GUCY1A1: variants seen among roughly 807,000 people sequenced by gnomAD.
GUCY1A1 encodes guanylate cyclase 1 soluble subunit alpha 1.
GUCY1A1 carries 48 observed loss-of-function variants against 64.5 expected under a neutral mutation model. The ratio of observed to expected loss-of-function variants is 0.74; its 90% CI spans 0.59 to 0.95. The LOEUF is 0.95. GUCY1A1 is among the 40% of genes least tolerant of loss of function. GUCY1A1 has a pLI of 0.00. For synonymous variants in GUCY1A1, 308 were observed against 303.4 expected, an observed-to-expected ratio of 1.02 and a Z score of -0.16; for missense variants, 804 against 825.3, an observed-to-expected ratio of 0.97 and a Z score of 0.32.
intron 2 of GUCY1A1, among the ~76,000 whole-genome samples, chr4:155,682,699 A>AGTGTGTGTGTGT (rs60103633): frequency 1.6e-4 from 24 of 146,776 alleles, no homozygotes; most frequent in African/African-American, 5.0e-4. Flanking sequence ...AAGAAAATTC[A>AGTGTGTGTGTGT]GTGTGTGTGT....
chr4:155,712,266 G>T (rs1273780755), intron 6 of GUCY1A1, among the ~76,000 whole-genome samples: 5 of 152,116 alleles, frequency 3.3e-5, no homozygotes, highest in Admixed American at 6.5e-5. Context: ...CGAGTAGCTG[G>T]GATTACAGGC....
chr4:155,727,639 T>G (rs960403758), intron 9 of GUCY1A1, among the ~76,000 whole-genome samples: 6 of 151,768 alleles, frequency 4.0e-5, no homozygotes, highest in African/African-American at 1.4e-4. Context: ...ACTCTTATAG[T>G]TGCATACATT....
chr4:155,736,549 A>G lies in GUCY1A1; in HGVS notation c.*6318A>G, dbSNP rs181692203. Reference sequence around the variant, plus strand: ...ACTGTTTAGAGAGAAAAAATAGTAAATAATGTTCAAAATGAGAAGACAATA... The same window carrying G: ...ACTGTTTAGAGAGAAAAAATAGTAAGTAATGTTCAAAATGAGAAGACAATA... On this transcript the variant is annotated 3_prime_UTR_variant, in exon 10 of 10. Coordinates refer to ENST00000506455, the MANE Select transcript of GUCY1A1 (RefSeq NM_001130682.3). The G allele has an allele frequency of 1.7e-4, 26 of 152,102 alleles. No individual in the cohort carries two copies. The highest frequency in any genetic ancestry group is 1.4e-3 in the Admixed American group (22 of 15,242). The allele number at this position is 152,102 out of a possible 1,614,324, so 9.4% of individuals were successfully genotyped here.
chr4:155,668,074 T>G (rs1267277860), intron 2 of GUCY1A1: 1 of 152,288 alleles, frequency 6.6e-6, no homozygotes, highest in Non-Finnish European at 1.5e-5. Flanking sequence ...AGCAGTCCCA[T>G]TTCTGTTTTC....
At chr4:155,689,639 T>A (rs1430070375) in intron 2 of GUCY1A1, among the ~76,000 whole-genome samples, 1 of 152,192 alleles carries the variant, frequency 6.6e-6, no homozygotes, top group Non-Finnish European at 1.5e-5. Context: ...TTGCTATTAT[T>A]TCAAAGATGC....
chr4:155,703,507 A>G (rs942517005), intron 3 of GUCY1A1, among the ~76,000 whole-genome samples: 6 of 152,198 alleles, frequency 3.9e-5, no homozygotes, highest in Admixed American at 6.5e-5. Context: ...GGCTTGGTCC[A>G]TGCTGAGATT....
rs773415751 is a variant in GUCY1A1 at position 155,735,385 on chromosome 4, A to G, written c.*5154A>G. 4 of 152,104 alleles carry G rather than the reference A, an allele frequency of 2.6e-5. No homozygotes were observed. In the East Asian group the frequency reaches 7.8e-4, roughly 29 times the overall value. 9.4% of individuals were successfully genotyped at this position (152,104 alleles called of 1,614,324 possible). On this transcript the variant is annotated 3_prime_UTR_variant, in exon 10 of 10. Transcript: ENST00000506455. ...TATCACCAGTGCAGTTTTTTCCATC[A>G]TCATAAACTTAGTTTTATGAAAATG...
rs1736000699 is a variant in GUCY1A1 at position 155,735,806 on chromosome 4, C to A, written c.*5575C>A. 6.6e-6 allele frequency: 1 copy of A among 151,826 alleles called. No individual in the cohort carries two copies. Among genetic ancestry groups the A allele is most frequent in the African/African-American group, 2.4e-5 (1 of 41,358 alleles). 9.4% of individuals were successfully genotyped at this position (151,826 alleles called of 1,614,324 possible). On this transcript the variant is annotated 3_prime_UTR_variant, in exon 10 of 10. Coordinates refer to ENST00000506455, the MANE Select transcript of GUCY1A1 (RefSeq NM_001130682.3). ...AGCCCAATGTGTTAAGTATTATACA[C>A]CTGGAACAAGAGCAGCAAAACTGAA...
At position 155,733,817 on chromosome 4, in the gene GUCY1A1, G is replaced by A. The variant is rs1410156791; in HGVS notation, c.*3586G>A. 6.6e-6 allele frequency among the ~76,000 whole-genome samples: 1 copy of A among 151,546 alleles called. No individual in the cohort carries two copies. The highest frequency in any genetic ancestry group is 3.2e-3 in the Middle Eastern group (1 of 316). On this transcript the variant is annotated 3_prime_UTR_variant, in exon 10 of 10. Transcript: ENST00000506455. ...GATGTGTGTTTTCCAAAGACTATTA[G>A]AAACAGCATGGTTAAGGATAGGGTG...
intron 2 of GUCY1A1, among the ~76,000 whole-genome samples, chr4:155,668,416 T>C (rs906177935): frequency 6.6e-6 from 1 of 152,236 alleles, no homozygotes; most frequent in Non-Finnish European, 1.5e-5. Context: ...GGACAGATTT[T>C]TTTTTCTTTC....
chr4:155,688,112 C>T (rs1193639097), intron 2 of GUCY1A1, among the ~76,000 whole-genome samples: 1 of 151,848 alleles, frequency 6.6e-6, no homozygotes, highest in African/African-American at 2.4e-5. Flanking sequence ...CCTGTAGTCC[C>T]AGCTGCTCGG....
chr4:155,678,065 G>T (rs1432209589), intron 2 of GUCY1A1, among the ~76,000 whole-genome samples: 1 of 151,996 alleles, frequency 6.6e-6, no homozygotes, highest in Non-Finnish European at 1.5e-5. Context: ...TATACTGATA[G>T]TTAGGAAAAA....
chr4:155,683,078 T>C (rs1358403184), intron 2 of GUCY1A1, among the ~76,000 whole-genome samples: 1 of 152,158 alleles, frequency 6.6e-6, no homozygotes, highest in Non-Finnish European at 1.5e-5. Flanking sequence ...ATGGATGGTT[T>C]TTCATTTAGC....
At chr4:155,715,526 G>C (rs182509133) in intron 7 of GUCY1A1, among the ~76,000 whole-genome samples, 81 of 152,290 alleles carry the variant, frequency 5.3e-4, no homozygotes, top group African/African-American at 1.9e-3. Flanking sequence ...CACATATGGA[G>C]AGGGAGAAGA....
rs1736057611 is a variant in GUCY1A1 at position 155,736,379 on chromosome 4, A to G, written c.*6148A>G. The G allele has an allele frequency of 6.6e-6, 1 of 151,934 alleles. No individual in the cohort carries two copies. Among genetic ancestry groups the G allele is most frequent in the Non-Finnish European group, 1.5e-5 (1 of 67,940 alleles). The allele number at this position is 151,934 out of a possible 1,614,324, so 9.4% of individuals were successfully genotyped here. A position where few individuals can be genotyped will look rare whatever the true frequency, so the allele number is the denominator to read the frequency against. ...AAAGACATAGACTATCACCCCTCCA[A>G]AAATGTGCATATGGCCCCATACAAG... On this transcript the variant is annotated 3_prime_UTR_variant, in exon 10 of 10. Coordinates refer to ENST00000506455, the MANE Select transcript of GUCY1A1 (RefSeq NM_001130682.3).
intron 4 of GUCY1A1, among the ~76,000 whole-genome samples, chr4:155,707,173 A>G (rs72972421): frequency 0.032 from 4,900 of 152,264 alleles, 244 homozygotes; most frequent in African/African-American, 0.11. Context: ...TATCAGAATT[A>G]CCATCCTCTT....
At chr4:155,682,600 A>T (rs960414229) in intron 2 of GUCY1A1, among the ~76,000 whole-genome samples, 4 of 151,646 alleles carry the variant, frequency 2.6e-5, no homozygotes, top group Admixed American at 2.6e-4. Flanking sequence ...TGAAACCGGG[A>T]GGTGGAGGTT....
At chr4:155,688,356 T>C (rs961127736) in intron 2 of GUCY1A1, among the ~76,000 whole-genome samples, 9 of 152,196 alleles carry the variant, frequency 5.9e-5, no homozygotes, top group African/African-American at 1.9e-4. Flanking sequence ...GTAGAGGTTT[T>C]ACTTTACTTC....
At chr4:155,714,236 A>G (rs1311432221) in intron 7 of GUCY1A1, among the ~76,000 whole-genome samples, 2 of 152,212 alleles carry the variant, frequency 1.3e-5, no homozygotes, top group African/African-American at 2.4e-5. Context: ...AACCTTTCTC[A>G]TCACTTCTAA....
Sources: gnomAD v4.1 joint callset for allele counts (sites outside exome capture counted in the v4.1 genomes callset) on GRCh38, gnomAD v4.1.1 for gene constraint, MANE v1.5 for transcripts, NCBI Gene and HGNC (gene_info 2026-07-23, HGNC 2026-07-21) for gene names.